The following ARHGAP32 variants were observed in gnomAD, a reference collection of about 807,000 sequenced individuals.
ARHGAP32 encodes rho GTPase-activating protein 32.
ARHGAP32 carries 51 observed loss-of-function variants against 186.5 expected under a neutral mutation model. That is an observed-to-expected ratio of 0.27 (90% CI 0.22 to 0.35). The LOEUF (loss-of-function observed/expected upper bound fraction) is 0.35. Among genes scored for constraint, ARHGAP32 ranks in the 10% least tolerant of loss-of-function variants. ARHGAP32 has a pLI of 1.00. For missense variants in ARHGAP32, 2,186 were observed against 2,623.5 expected, an observed-to-expected ratio of 0.83 and a Z score of 3.64; for synonymous variants, 950 against 964.3, an observed-to-expected ratio of 0.99 and a Z score of 0.27.
chr11:129,167,813 A>G (rs1339097994), intron 1 of ARHGAP32, among the ~76,000 whole-genome samples: 1 of 152,226 alleles, frequency 6.6e-6, no homozygotes, highest in Non-Finnish European at 1.5e-5. Context: ...GTTTTCGTAT[A>G]ACTTCATGAA....
intron 18 of ARHGAP32, 52 bp downstream of exon 18, chr11:128,980,501 T>A: frequency 7.2e-7 from 1 of 1,386,026 alleles, no homozygotes; most frequent in Non-Finnish European, 9.8e-7. Context: ...AAGAAAATAA[T>A]AGGACATAGC....
At chr11:129,251,861 G>T (rs974856009) in intron 1 of ARHGAP32, among the ~76,000 whole-genome samples, 4 of 151,232 alleles carry the variant, frequency 2.6e-5, no homozygotes, top group African/African-American at 9.7e-5. Context: ...TTTGAACCCA[G>T]GAGGCGGAGG....
upstream of ARHGAP32, among the ~76,000 whole-genome samples, chr11:129,196,835 T>C (rs987353916): frequency 1.3e-5 from 2 of 152,150 alleles, no homozygotes; most frequent in Non-Finnish European, 1.5e-5. Context: ...GGCAGGGAGA[T>C]CACCTGAGGT....
At chr11:129,016,896 G>T (rs901655789) in intron 11 of ARHGAP32, among the ~76,000 whole-genome samples, 2 of 152,100 alleles carry the variant, frequency 1.3e-5, no homozygotes, top group East Asian at 1.9e-4. Context: ...TCAATAAATT[G>T]TTCAAATTTC....
chr11:129,028,597 C>T (rs1329081450), intron 11 of ARHGAP32, among the ~76,000 whole-genome samples: 1 of 152,148 alleles, frequency 6.6e-6, no homozygotes, highest in East Asian at 1.9e-4. Flanking sequence ...TGGATTAATT[C>T]AACAGGCATT....
intron 11 of ARHGAP32, among the ~76,000 whole-genome samples, chr11:129,010,259 G>A (rs1938008949): frequency 1.3e-5 from 2 of 152,176 alleles, no homozygotes; most frequent in African/African-American, 4.8e-5. Context: ...TCAGTGTGAT[G>A]ATAGTTTCTT....
intron 2 of ARHGAP32, among the ~76,000 whole-genome samples, chr11:129,163,041 T>A (rs1308290626): frequency 1.3e-5 from 2 of 152,182 alleles, no homozygotes; most frequent in African/African-American, 2.4e-5. Context: ...TTCCACCTAA[T>A]CTTTAATTGG....
chr11:129,240,633 C>T (rs1945003030), intron 1 of ARHGAP32, among the ~76,000 whole-genome samples: 1 of 152,118 alleles, frequency 6.6e-6, no homozygotes, highest in African/African-American at 2.4e-5. Flanking sequence ...CAACACAAGA[C>T]CTTAAACAAG....
intron 2 of ARHGAP32, among the ~76,000 whole-genome samples, chr11:129,146,894 G>A (rs1943177287): frequency 6.6e-6 from 1 of 151,974 alleles, no homozygotes. Context: ...GGAATTGAGT[G>A]TAAATACTCC....
intron 12 of ARHGAP32, among the ~76,000 whole-genome samples, chr11:128,994,050 T>C (rs185623072): frequency 3.9e-5 from 6 of 152,304 alleles, no homozygotes; most frequent in Admixed American, 1.3e-4. Context: ...ATCATCCTTA[T>C]GAAGAATGGA....
intron 1 of ARHGAP32, among the ~76,000 whole-genome samples, chr11:129,191,679 C>A (rs1944273677): frequency 6.6e-6 from 1 of 151,678 alleles, no homozygotes; most frequent in African/African-American, 2.4e-5. Context: ...CGCACACACA[C>A]ACACACACAC....
chr11:129,193,674 A>AAT (rs1944340646), upstream of ARHGAP32, among the ~76,000 whole-genome samples: 1 of 50,006 alleles, frequency 2.0e-5, no homozygotes, highest in African/African-American at 8.1e-5. Context: ...TATTATATAT[A>AAT]ATATATAATA....
chr11:129,102,411 T>C (rs1184278738), intron 5 of ARHGAP32, among the ~76,000 whole-genome samples: 1 of 152,176 alleles, frequency 6.6e-6, no homozygotes, highest in Non-Finnish European at 1.5e-5. Flanking sequence ...AGTGGCAAAC[T>C]GGATAAAGAA....
intron 1 of ARHGAP32, among the ~76,000 whole-genome samples, chr11:129,278,930 G>A (rs1217982631): frequency 2.0e-5 from 3 of 148,328 alleles, no homozygotes; most frequent in South Asian, 2.1e-4. Flanking sequence ...CGCGGGCGCG[G>A]GAGGCGGTGG....
intron 6 of ARHGAP32, among the ~76,000 whole-genome samples, chr11:129,077,074 G>A (rs1050274265): frequency 4.6e-5 from 7 of 152,300 alleles, no homozygotes; most frequent in African/African-American, 1.7e-4. Context: ...TATAAAAGTA[G>A]AAGCAGCAGC....
chr11:129,135,360 A>G (rs191693366), intron 2 of ARHGAP32, among the ~76,000 whole-genome samples: 42 of 152,376 alleles, frequency 2.8e-4, no homozygotes, highest in Admixed American at 2.7e-3. Flanking sequence ...GAATTCAGAC[A>G]GCAGCCAACA....
intron 6 of ARHGAP32, among the ~76,000 whole-genome samples, chr11:129,085,792 C>CATGGTGAA (rs1238455834): frequency 1.3e-5 from 2 of 151,904 alleles, no homozygotes; most frequent in African/African-American, 4.8e-5. Flanking sequence ...AGGAGCTTGA[C>CATGGTGAA]ACCATCCTGG....
In ARHGAP32 at chr11:128,967,402, C is replaced by T. The variant is rs556621979; in HGVS notation, c.*1505G>A. ...TTCTACAGACCGAGCATTTAAAATA[C>T]GTGAATGTATAAAACTTGAGTATTA... On this transcript the variant is annotated 3_prime_UTR_variant, in exon 23 of 23. Coordinates refer to ENST00000682385, the MANE Select transcript of ARHGAP32 (RefSeq NM_001378024.1). 10 of 152,230 alleles carry T rather than the reference C, an allele frequency of 6.6e-5. No individual in the cohort carries two copies. Among genetic ancestry groups the T allele is most frequent in the Admixed American group, 2.0e-4 (3 of 15,288 alleles). 9.4% of individuals were successfully genotyped at this position (152,230 alleles called of 1,614,324 possible).
chr11:129,067,671 C>A (rs1178208207), intron 6 of ARHGAP32, among the ~76,000 whole-genome samples: 1 of 151,984 alleles, frequency 6.6e-6, no homozygotes, highest in Non-Finnish European at 1.5e-5. Context: ...ATGAGCAAAT[C>A]CCGACTGTAT....
Sources: allele counts gnomAD v4.1 joint callset (sites outside exome capture counted in the v4.1 genomes callset), GRCh38; gene constraint gnomAD v4.1.1; transcripts MANE v1.5; gene names NCBI Gene and HGNC (gene_info 2026-07-23, HGNC 2026-07-21).